The following SCN4B variants were observed in gnomAD, a reference collection of about 807,000 sequenced individuals.
SCN4B encodes sodium channel regulatory subunit beta-4.
SCN4B carries 20 observed loss-of-function variants against 19.6 expected under a neutral mutation model. The observed-to-expected ratio is 1.02, with a 90% CI of 0.72 to 1.48. SCN4B has a LOEUF of 1.48. Among genes scored for constraint, SCN4B ranks in the 40% most tolerant of loss-of-function variants. The probability of loss-of-function intolerance (pLI) is 0.00; values close to 1 mark genes in which losing one functional copy is unlikely to be tolerated. For synonymous variants in SCN4B, 127 were observed against 122.8 expected (o/e 1.03, Z -0.22); for missense variants, 271 against 287.5 (o/e 0.94, Z 0.42).
chr11:118,141,435 C>G (rs549699862), intron 3 of SCN4B, 99 bp from the exon 4 acceptor site: 36 of 1,466,188 alleles, frequency 2.5e-5, no homozygotes, highest in Middle Eastern at 4.8e-4. Context: ...GTAGCCTCCA[C>G]CCCCTGGCAT....
At position 118,136,229 on chromosome 11, in the gene SCN4B, T is replaced by C. The variant is rs1018196738; in HGVS notation, c.*798A>G. The C allele has an allele frequency of 2.2e-6, 1 of 453,624 alleles. No homozygotes were observed. The highest frequency in any genetic ancestry group is 2.0e-5 in the African/African-American group (1 of 49,856). 28.1% of individuals were successfully genotyped at this position (453,624 alleles called of 1,614,324 possible). ...GCCCAGGACACTGGCTCACTACCTC[T>C]GTGGCCCAATTCCCCAAGTAGAAAT... On this transcript the variant is annotated 3_prime_UTR_variant, in exon 5 of 5. Coordinates refer to ENST00000324727, the MANE Select transcript of SCN4B (RefSeq NM_174934.4).
intron 1 of SCN4B, among the ~76,000 whole-genome samples, chr11:118,151,985 T>G (rs1948237187): frequency 6.6e-6 from 1 of 152,126 alleles, no homozygotes; most frequent in East Asian, 1.9e-4. Flanking sequence ...CGGAATCTCT[T>G]TGTAGGAAGA....
chr11:118,147,519 C>T (rs1948192509), intron 1 of SCN4B, among the ~76,000 whole-genome samples: 1 of 152,184 alleles, frequency 6.6e-6, no homozygotes, highest in Non-Finnish European at 1.5e-5. Flanking sequence ...CCAAGAAAAA[C>T]ACTGCTATCA....
rs763277406 is a variant in SCN4B, at chr11:118,145,125, A to C, written c.166T>G (p.Ser56Ala). 3 of 1,614,120 alleles carry C rather than the reference A, an allele frequency of 1.9e-6. No individual in the cohort carries two copies. The highest frequency in any genetic ancestry group is 2.5e-6 in the Non-Finnish European group (3 of 1,180,000). ...GTEILLPCTF[S>A]SCFGFEDLHF... ...AGGTCCTCGAAGCCAAAGCAGCTGG[A>C]GAAGGTGCAGGGCAGCAGGATCTCC... The change falls in exon 2 of 5, where the codon TCC (serine) becomes GCC (alanine). Residue 56 changes from serine (S) to alanine (A), a missense_variant. Transcript: ENST00000324727.
intron 1 of SCN4B, among the ~76,000 whole-genome samples, chr11:118,150,201 A>G (rs1291910544): frequency 6.6e-6 from 1 of 152,234 alleles, no homozygotes; most frequent in Non-Finnish European, 1.5e-5. Context: ...GGCAGGACAG[A>G]GATATTACCA....
rs1159042419 is a variant in SCN4B, at chr11:118,136,193, G to C, written c.*834C>G. 2.2e-6 allele frequency: 1 copy of C among 453,606 alleles called. No homozygotes were observed. The highest frequency in any genetic ancestry group is 7.0e-5 in the East Asian group (1 of 14,356). 28.1% of individuals were successfully genotyped at this position (453,606 alleles called of 1,614,324 possible). ...GCCAGCATTGGCAGCAATGGGGCGG[G>C]CATCCCAGAGGCCCAGGACACTGGC... On this transcript the variant is annotated 3_prime_UTR_variant, in exon 5 of 5. Transcript: ENST00000324727.
intron 1 of SCN4B, among the ~76,000 whole-genome samples, chr11:118,149,833 G>T (rs1004818546): frequency 6.6e-6 from 1 of 152,128 alleles, no homozygotes; most frequent in Non-Finnish European, 1.5e-5. Context: ...CCAGAAGGGG[G>T]CCAGTCATAA....
In SCN4B at chr11:118,134,669, G is replaced by T. The variant is rs144786807; in HGVS notation, c.*2358C>A. ...TTGCAAAGACTAAATAATTCCAAGGGGGGTGGGATGGAAAGAAAGAGAGAG... is the reference window on the plus strand; with the variant it reads ...TTGCAAAGACTAAATAATTCCAAGGTGGGTGGGATGGAAAGAAAGAGAGAG... On this transcript the variant is annotated 3_prime_UTR_variant, in exon 5 of 5. Coordinates refer to ENST00000324727, the MANE Select transcript of SCN4B (RefSeq NM_174934.4). 3 of 454,074 alleles carry T rather than the reference G, an allele frequency of 6.6e-6. No individual in the cohort carries two copies. Among genetic ancestry groups the T allele is most frequent in the East Asian group, 6.9e-5 (1 of 14,396 alleles). The allele number at this position is 454,074 out of a possible 1,614,324, so 28.1% of individuals were successfully genotyped here. A position where few individuals can be genotyped will look rare whatever the true frequency, so the allele number is the denominator to read the frequency against.
intron 1 of SCN4B, among the ~76,000 whole-genome samples, chr11:118,149,876 G>A (rs779745698): frequency 6.6e-6 from 1 of 152,140 alleles, no homozygotes; most frequent in African/African-American, 2.4e-5. Flanking sequence ...TCTCTCAGGT[G>A]CCCCCACAGG....
Position 118,134,150 on chromosome 11 carries a change from C to T in SCN4B, c.*2877G>A, listed in dbSNP as rs1352772308. ...GGCTGCTCTCCCCAGGCCTCTCTAA[C>T]ATCAGGGGTTTATTCGGGCTGCCTT... is the stretch of plus-strand genomic sequence containing the variant. On this transcript the variant is annotated 3_prime_UTR_variant, in exon 5 of 5. Coordinates refer to ENST00000324727, the MANE Select transcript of SCN4B (RefSeq NM_174934.4). 2.2e-6 allele frequency: 1 copy of T among 454,276 alleles called. No individual in the cohort carries two copies. Among genetic ancestry groups the T allele is most frequent in the African/African-American group, 2.0e-5 (1 of 50,138 alleles). 28.1% of individuals were successfully genotyped at this position (454,276 alleles called of 1,614,324 possible).
intron 3 of SCN4B, chr11:118,141,733 A>C: frequency 3.7e-6 from 1 of 273,392 alleles, no homozygotes; most frequent in Non-Finnish European, 7.1e-6. Context: ...GAACCTCCCT[A>C]TGATACCTCT....
In SCN4B at chr11:118,151,684, T is replaced by C. The variant is rs116147266; in HGVS notation, c.61+929A>G. On this transcript the variant is annotated intron_variant, in intron 1 of 4. Coordinates refer to ENST00000324727, the MANE Select transcript of SCN4B (RefSeq NM_174934.4). The stretch of plus-strand genomic sequence containing the variant: ...TACCTACACCGTGTGTCTTACCCAA[T>C]GCAGGGAGCTGCCAAAAGCCAAATC... 2.8e-3 allele frequency among the ~76,000 whole-genome samples: 422 copies of C among 152,286 alleles called. 4 individuals carry two copies. Among genetic ancestry groups the C allele is most frequent in the African/African-American group, 9.3e-3 (385 of 41,566 alleles).
intron 1 of SCN4B, among the ~76,000 whole-genome samples, chr11:118,150,000 T>A (rs1313426642): frequency 6.6e-6 from 1 of 152,224 alleles, no homozygotes; most frequent in African/African-American, 2.4e-5. Flanking sequence ...CTCCACAGTC[T>A]CCTTGCTTCT....
intron 1 of SCN4B, among the ~76,000 whole-genome samples, chr11:118,149,369 G>C (rs1350921076): frequency 1.3e-5 from 2 of 152,170 alleles, no homozygotes; most frequent in Non-Finnish European, 2.9e-5. Flanking sequence ...CTTTAATAGG[G>C]AGGCTGATAC....
In SCN4B at chr11:118,137,032, C is replaced by A. The variant is rs374683602; in HGVS notation, c.682G>T (p.Val228Leu). The part of the protein sequence containing the change: ...SKAEEKPPSK[V>L] ...TGCTCAGCCCGAAGCAGGGCTCACA[C>A]TTTTGAAGGTGGTTTCTCCTCTGCC... The change falls in exon 5 of 5, where the codon GTG becomes TTG. Residue 228 changes from valine to leucine, a missense_variant. Physicochemically the swap from Val to Leu is conservative, Grantham distance 32 (BLOSUM62 1). Coordinates refer to ENST00000324727, the MANE Select transcript of SCN4B (RefSeq NM_174934.4). The A allele has an allele frequency of 6.2e-7, 1 of 1,612,254 alleles. No individual in the cohort carries two copies. Among genetic ancestry groups the A allele is most frequent in the African/African-American group, 1.3e-5 (1 of 74,894 alleles).
chr11:118,140,175 G>C (rs640323), intron 4 of SCN4B, among the ~76,000 whole-genome samples: 58,508 of 152,002 alleles, frequency 0.38, 11,280 homozygotes, highest in Middle Eastern at 0.43. Flanking sequence ...ACCTAATTAA[G>C]CTCCACGCTT....
intron 1 of SCN4B, among the ~76,000 whole-genome samples, chr11:118,151,921 C>T (rs1287536452): frequency 6.6e-6 from 1 of 152,230 alleles, no homozygotes; most frequent in Non-Finnish European, 1.5e-5. Flanking sequence ...TTCTCTGTCT[C>T]CATATTCACT....
At chr11:118,147,467 G>C (rs938541712) in intron 1 of SCN4B, among the ~76,000 whole-genome samples, 1 of 152,192 alleles carries the variant, frequency 6.6e-6, no homozygotes, top group Admixed American at 6.5e-5. Context: ...GCAGCGTTCA[G>C]ATATTAGCCC....
Position 118,136,219 on chromosome 11 carries a change from T to A in SCN4B, c.*808A>T, listed in dbSNP as rs1948002077. 1 of 453,600 alleles carries A rather than the reference T, an allele frequency of 2.2e-6. No homozygotes were observed. The highest frequency in any genetic ancestry group is 7.0e-5 in the East Asian group (1 of 14,358). The allele number at this position is 453,600 out of a possible 1,614,324, so 28.1% of individuals were successfully genotyped here. Reference sequence around the variant, plus strand: ...CATCCCAGAGGCCCAGGACACTGGCTCACTACCTCTGTGGCCCAATTCCCC... The same window carrying A: ...CATCCCAGAGGCCCAGGACACTGGCACACTACCTCTGTGGCCCAATTCCCC... On this transcript the variant is annotated 3_prime_UTR_variant, in exon 5 of 5. Coordinates refer to ENST00000324727, the MANE Select transcript of SCN4B (RefSeq NM_174934.4).
Sources: gnomAD v4.1 joint callset for allele counts (sites outside exome capture counted in the v4.1 genomes callset) on GRCh38, gnomAD v4.1.1 for gene constraint, MANE v1.5 for transcripts, NCBI Gene and HGNC (gene_info 2026-07-23, HGNC 2026-07-21) for gene names.